RNF216: variants seen among roughly 807,000 people sequenced by gnomAD.
RNF216 encodes E3 ubiquitin-protein ligase RNF216.
A neutral mutation model predicts 110.8 loss-of-function variants in RNF216; 72 were observed. That is an observed-to-expected ratio of 0.65 (90% confidence interval 0.54 to 0.79). The LOEUF is 0.79. Ranked by LOEUF, RNF216 falls within the 30% of genes least tolerant of loss-of-function variation. The pLI is 0.00. For synonymous variants in RNF216, 495 were observed against 407.5 expected, an observed-to-expected ratio of 1.21 and a Z score of -2.59; for missense variants, 1,342 against 1,141.2, an observed-to-expected ratio of 1.18 and a Z score of -2.54.
chr7:5,765,930 G>C (rs1796182974), intron 1 of RNF216, among the ~76,000 whole-genome samples: 1 of 140,114 alleles, frequency 7.1e-6, no homozygotes, highest in Non-Finnish European at 1.5e-5. Context: ...TCCAGCCTGA[G>C]CGACAGAGTG....
intron 1 of RNF216, among the ~76,000 whole-genome samples, chr7:5,766,308 C>A (rs1203969161): frequency 6.6e-6 from 1 of 151,926 alleles, no homozygotes; most frequent in South Asian, 2.1e-4. Context: ...AAAACAAAAA[C>A]AAACAAAAAA....
chr7:5,731,279 T>C (rs1330168012), intron 5 of RNF216, among the ~76,000 whole-genome samples: 2 of 152,246 alleles, frequency 1.3e-5, no homozygotes, highest in African/African-American at 4.8e-5. Flanking sequence ...TGTTAATTCA[T>C]TAATACTTTT....
In RNF216 at chr7:5,649,284, C is replaced by T. The variant is rs777956050; in HGVS notation, c.2159+3129G>A. ...GCAGGCGCCTGTAATCCCAGCTACTCGGGAGGCTGAGGCAGTAGAGTCGCT... is the reference window on the plus strand; with the variant it reads ...GCAGGCGCCTGTAATCCCAGCTACTTGGGAGGCTGAGGCAGTAGAGTCGCT... On this transcript the variant is annotated intron_variant, in intron 14 of 16. Transcript: ENST00000389902. Among the ~76,000 whole-genome samples the T allele has an allele frequency of 4.0e-5, 6 of 151,850 alleles. No individual in the cohort carries two copies. In the East Asian group the frequency reaches 7.7e-4, roughly 20 times the overall value.
rs777624826 is a variant in RNF216 at position 5,622,989 on chromosome 7, C to T, written c.2643G>A (p.Gly881=). The part of the protein sequence containing the change: ...PVFNNFPLNM[G]PIPAPYVPPL... ...GGGGCACGTACGGGGCTGGGATAGG[C>T]CCCATGTTGAGTGGGAAGTTGTTGA... The change falls in exon 17 of 17, where the codon GGG becomes GGA. Residue 881 remains glycine, a synonymous_variant. Transcript: ENST00000389902. The T allele has an allele frequency of 2.7e-5, 44 of 1,613,886 alleles. No individual in the cohort carries two copies. The highest frequency in any genetic ancestry group is 2.4e-4 in the African/African-American group (18 of 74,876).
intron 3 of RNF216, among the ~76,000 whole-genome samples, chr7:5,751,187 A>C (rs1795310130): frequency 6.6e-6 from 1 of 152,206 alleles, no homozygotes; most frequent in East Asian, 1.9e-4. Context: ...AGCTGGAACA[A>C]CAACAACAAA....
chr7:5,684,046 G>C (rs1403306328), intron 13 of RNF216, among the ~76,000 whole-genome samples: 1 of 150,978 alleles, frequency 6.6e-6, no homozygotes, highest in Non-Finnish European at 1.5e-5. Context: ...GGCAGTATCA[G>C]GTACTGGTCT....
In RNF216 at chr7:5,622,669, C is replaced by T. The variant is rs763271758; in HGVS notation, c.*191G>A. 1.3e-5 allele frequency: 8 copies of T among 597,962 alleles called. No homozygotes were observed. Among genetic ancestry groups the T allele is most frequent in the East Asian group, 2.8e-5 (1 of 35,698 alleles). The allele number at this position is 597,962 out of a possible 1,614,324, so 37.0% of individuals were successfully genotyped here. ...TCTCTCCGAACTCCACCATTTGGGA[C>T]GTCTTTATTATGGATCCGTCCACTC... is the stretch of plus-strand genomic sequence containing the variant. On this transcript the variant is annotated 3_prime_UTR_variant, in exon 17 of 17. Coordinates refer to ENST00000389902, the MANE Select transcript of RNF216 (RefSeq NM_207111.4).
At chr7:5,764,190 T>C (rs1380816850) in intron 1 of RNF216, among the ~76,000 whole-genome samples, 1 of 146,128 alleles carries the variant, frequency 6.8e-6, no homozygotes, top group Non-Finnish European at 1.5e-5. Flanking sequence ...CAAAACTCTA[T>C]CTCAAAAGAA....
At chr7:5,770,131 G>A (rs963857145) in intron 1 of RNF216, among the ~76,000 whole-genome samples, 1 of 150,022 alleles carries the variant, frequency 6.7e-6, no homozygotes, top group Admixed American at 6.7e-5. Flanking sequence ...CAGATTGCTT[G>A]AGCACAGAAG....
intron 2 of RNF216, among the ~76,000 whole-genome samples, chr7:5,754,722 G>A (rs1795525754): frequency 6.6e-6 from 1 of 152,122 alleles, no homozygotes; most frequent in Non-Finnish European, 1.5e-5. Flanking sequence ...CAATCTTGGT[G>A]TACCCAATGA....
At chr7:5,724,902 T>C (rs1460409974) in intron 8 of RNF216, among the ~76,000 whole-genome samples, 2 of 152,248 alleles carry the variant, frequency 1.3e-5, no homozygotes, top group African/African-American at 4.8e-5. Flanking sequence ...GACAGAATTT[T>C]GGAGAAACGT....
intron 15 of RNF216, among the ~76,000 whole-genome samples, chr7:5,631,691 C>T (rs1202253118): frequency 6.6e-6 from 1 of 152,090 alleles, no homozygotes; most frequent in African/African-American, 2.4e-5. Context: ...GCCATTATTT[C>T]TTTTCCTTAT....
chr7:5,636,899 C>G (rs923365703), intron 15 of RNF216, among the ~76,000 whole-genome samples: 2 of 152,096 alleles, frequency 1.3e-5, no homozygotes, highest in African/African-American at 2.4e-5. Flanking sequence ...CATGAGAAAC[C>G]CACACCATCA....
chr7:5,739,731 T>A, intron 4 of RNF216: 1 of 429,500 alleles, frequency 2.3e-6, no homozygotes. Context: ...CCGGGTGCAG[T>A]GGCTCATGCC....
intron 5 of RNF216, among the ~76,000 whole-genome samples, chr7:5,734,152 G>A (rs1431126372): frequency 2.0e-5 from 3 of 152,170 alleles, no homozygotes; most frequent in Non-Finnish European, 2.9e-5. Context: ...TAGAGTTCAG[G>A]AGACAAGCAG....
At chr7:5,666,820 T>G (rs1789560873) in intron 13 of RNF216, 1 of 151,760 alleles carries the variant, frequency 6.6e-6, no homozygotes, top group Admixed American at 6.6e-5. Context: ...ATGACTTTTT[T>G]TTTTTTTTTT....
At chr7:5,667,577 T>C (rs921176442) in intron 13 of RNF216, among the ~76,000 whole-genome samples, 4 of 152,212 alleles carry the variant, frequency 2.6e-5, no homozygotes, top group Admixed American at 2.0e-4. Context: ...CATTTCAAAC[T>C]GTCAAATAGA....
At chr7:5,769,795 G>C (rs1220190629) in intron 1 of RNF216, among the ~76,000 whole-genome samples, 3 of 151,610 alleles carry the variant, frequency 2.0e-5, no homozygotes. Context: ...CCAGCACTTT[G>C]GGAGGCCAAG....
In RNF216 at chr7:5,741,776, G is replaced by C; in HGVS notation, c.241C>G (p.Pro81Ala). ...TTCAGATCTTGCCACTGGGCAGCTG[G>C]TTTGATGAGATTGGGTCGTGATCTC... ...PQRSRPNLIK[P>A]AAQWQDLKRL... The change falls in exon 4 of 17, where the codon CCA (proline) becomes GCA (alanine). Residue 81 changes from proline to alanine, a missense_variant. Pro to Ala is a conservative substitution (Grantham distance 27). Transcript: ENST00000389902. The C allele has an allele frequency of 6.2e-7, 1 of 1,613,984 alleles. No individual in the cohort carries two copies. The highest frequency in any genetic ancestry group is 8.5e-7 in the Non-Finnish European group (1 of 1,179,966).
Sources: allele counts gnomAD v4.1 joint callset (sites outside exome capture counted in the v4.1 genomes callset), GRCh38; gene constraint gnomAD v4.1.1; transcripts MANE v1.5; gene names NCBI Gene and HGNC (gene_info 2026-07-23, HGNC 2026-07-21).